Variants in ZAP70 observed in about 807,000 individuals in gnomAD.
The protein encoded by ZAP70 is zeta chain of T cell receptor associated protein kinase 70, also known as tyrosine-protein kinase ZAP-70.
In ZAP70, 27 loss-of-function variants were observed where a neutral mutation model predicts 65.8. The observed-to-expected ratio is 0.41, with a 90% CI of 0.30 to 0.57. ZAP70 has a LOEUF of 0.57. Among genes scored for constraint, ZAP70 ranks in the 20% least tolerant of loss-of-function variants. The pLI, the probability that ZAP70 is intolerant of heterozygous loss-of-function variation, is 0.28. For missense variants in ZAP70, 696 were observed against 870.5 expected (o/e 0.80, Z 2.52); for synonymous variants, 363 against 360.8 (o/e 1.01, Z -0.07).
intron 4 of ZAP70, among the ~76,000 whole-genome samples, chr2:97,727,473 C>T (rs1276276353): frequency 1.3e-5 from 2 of 152,176 alleles, no homozygotes; most frequent in Non-Finnish European, 2.9e-5. Context: ...TGTTGCATCA[C>T]CCCACCCCAG....
At chr2:97,730,350 C>T (rs1027438454) in intron 4 of ZAP70, among the ~76,000 whole-genome samples, 1 of 152,164 alleles carries the variant, frequency 6.6e-6, no homozygotes, top group Admixed American at 6.5e-5. Flanking sequence ...TGAGCTTACT[C>T]ATGTGGCCAC....
At chr2:97,716,034 T>C (rs1676896169) in intron 2 of ZAP70, among the ~76,000 whole-genome samples, 1 of 151,986 alleles carries the variant, frequency 6.6e-6, no homozygotes, top group African/African-American at 2.4e-5. Context: ...CCTGGAAGCC[T>C]AGGGGAGGTG....
chr2:97,739,436 C>T lies in ZAP70; in HGVS notation c.1798C>T (p.Leu600=), dbSNP rs757811792. Residue 600 remains leucine (L), a synonymous_variant, in exon 14 of 14, where the codon CTG becomes TTG. Coordinates refer to ENST00000264972, the MANE Select transcript of ZAP70 (RefSeq NM_001079.4). ...EQRMRACYYS[L]ASKVEGPPGS... ...GCGCATGCGAGCCTGTTACTACAGCCTGGCCAGCAAGGTGGAAGGGCCCCC... is the reference window on the plus strand; with the variant it reads ...GCGCATGCGAGCCTGTTACTACAGCTTGGCCAGCAAGGTGGAAGGGCCCCC... 1.4e-5 allele frequency: 22 copies of T among 1,613,890 alleles called. No homozygotes were observed. The highest frequency in any genetic ancestry group is 1.7e-5 in the Non-Finnish European group (20 of 1,179,960).
chr2:97,753,763 G>A, the ZAP70 span, among the ~76,000 whole-genome samples: 1 of 152,098 alleles, frequency 6.6e-6, no homozygotes, highest in African/African-American at 2.4e-5. Flanking sequence ...CTTGCGCTCA[G>A]GAGTTTGAGA....
Position 97,725,163 on chromosome 2 carries a change from C to G in ZAP70, c.474C>G (p.His158Gln), listed in dbSNP as rs56404668. ...QVEKLIATTA[H>Q]ERMPWYHSSL... ...AGAAGCTCATTGCTACGACGGCCCACGAGCGGATGCCCTGGTACCACAGCA... is the reference window on the plus strand; with the variant it reads ...AGAAGCTCATTGCTACGACGGCCCAGGAGCGGATGCCCTGGTACCACAGCA... Residue 158 changes from histidine (H) to glutamine (Q), a missense_variant, in exon 4 of 14, where the codon CAC (histidine) becomes CAG (glutamine). Physicochemically the swap from His to Gln is conservative, Grantham distance 24. This residue lies in a region of ZAP70 where 551 missense variants were observed against 630.0 expected (regional missense o/e 0.87). Coordinates refer to ENST00000264972, the MANE Select transcript of ZAP70 (RefSeq NM_001079.4). 3.5e-5 allele frequency: 57 copies of G among 1,614,056 alleles called. No individual in the cohort carries two copies. Among genetic ancestry groups the G allele is most frequent in the Non-Finnish European group, 4.5e-5 (53 of 1,180,044 alleles).
intron 13 of ZAP70, 121 bp from the exon 14 acceptor site, chr2:97,739,254 C>A: frequency 6.7e-7 from 1 of 1,483,926 alleles, no homozygotes; most frequent in Non-Finnish European, 9.1e-7. Context: ...ACCCCAACAG[C>A]CCTGCTGACT....
the ZAP70 span, among the ~76,000 whole-genome samples, chr2:97,755,746 C>T: frequency 6.6e-6 from 1 of 152,164 alleles, no homozygotes; most frequent in Non-Finnish European, 1.5e-5. Flanking sequence ...TGTCTTCCCT[C>T]TGTGCCCCGC....
intron 9 of ZAP70, 186 bp downstream of exon 9, chr2:97,734,898 GA>G: frequency 1.3e-6 from 1 of 749,708 alleles, no homozygotes; most frequent in Non-Finnish European, 2.1e-6. Context: ...ACGGGGGTGG[GA>G]TGGGGCCTGG....
chr2:97,734,553 T>C lies in ZAP70; in HGVS notation c.923T>C (p.Met308Thr). 1 of 1,614,096 alleles carries C rather than the reference T, an allele frequency of 6.2e-7. No homozygotes were observed. The highest frequency in any genetic ancestry group is 8.5e-7 in the Non-Finnish European group (1 of 1,180,002). The change falls in exon 9 of 14, where the codon ATG becomes ACG. Residue 308 changes from methionine to threonine, a missense_variant. By Grantham distance (81) the Met-to-Thr change is moderately conservative. Transcript: ENST00000264972. ...ACGTCCCCAGACAAACCGCGGCCGA[T>C]GCCCATGGACACGAGCGTGTATGAG... ...RITSPDKPRP[M>T]PMDTSVYESP... is the part of the protein sequence containing the mutation.
chr2:97,753,790 A>T, the ZAP70 span, among the ~76,000 whole-genome samples: 1 of 152,100 alleles, frequency 6.6e-6, no homozygotes, highest in East Asian at 1.9e-4. Flanking sequence ...GGGGCAACGA[A>T]GCAAGACCTC....
At chr2:97,732,675 C>G in intron 4 of ZAP70, 2 of 676,030 alleles carry the variant, frequency 3.0e-6, no homozygotes, top group South Asian at 3.8e-5. Context: ...GGGAACACAG[C>G]CATGGCCCCT....
Position 97,735,962 on chromosome 2 carries a change from T to G in ZAP70, c.1289+506T>G, listed in dbSNP as rs142572448. On this transcript the variant is annotated intron_variant, in intron 10 of 13. Coordinates refer to ENST00000264972, the MANE Select transcript of ZAP70 (RefSeq NM_001079.4). ...GGCGGAGCTTGCAGTGAGCCGAGAT[T>G]GTGCCACTGCACTCCAGCCTGGGGA... Among the ~76,000 whole-genome samples the G allele has an allele frequency of 6.3e-3, 952 of 152,160 alleles. 7 individuals carry two copies. Among genetic ancestry groups the G allele is most frequent in the Non-Finnish European group, 9.6e-3 (650 of 68,000 alleles).
rs369599264 is a variant in ZAP70 at position 97,733,047 on chromosome 2, G to A, written c.702+26G>A. On this transcript the variant is annotated intron_variant, in intron 5 of 13. Coordinates refer to ENST00000264972, the MANE Select transcript of ZAP70 (RefSeq NM_001079.4). The stretch of plus-strand genomic sequence containing the variant: ...GTAGGCTGCCCGTGCAACTTGTTCT[G>A]GGAGATGCCGTGCTCAGATGGGGTG... 15 of 1,613,928 alleles carry A rather than the reference G, an allele frequency of 9.3e-6. No homozygotes were observed. The African/African-American group carries it at 1.6e-4, about 17-fold the overall frequency.
chr2:97,741,412 TC>T (rs2104714394), downstream of ZAP70, among the ~76,000 whole-genome samples: 1 of 151,978 alleles, frequency 6.6e-6, no homozygotes, highest in East Asian at 1.9e-4. Flanking sequence ...ACCGGTGATG[TC>T]CCCTAGGAAA....
intron 2 of ZAP70, 110 bp from the exon 3 acceptor site, chr2:97,723,906 A>AG (rs1677260092): frequency 2.4e-6 from 3 of 1,266,272 alleles, no homozygotes; most frequent in East Asian, 2.5e-5. Flanking sequence ...TGGCGAGCTC[A>AG]GTCTGCGGCA....
At chr2:97,751,201 G>T in the ZAP70 span, among the ~76,000 whole-genome samples, 1 of 152,222 alleles carries the variant, frequency 6.6e-6, no homozygotes, top group African/African-American at 2.4e-5. Context: ...CTGAAGCACA[G>T]ATCGTATGGG....
the ZAP70 span, among the ~76,000 whole-genome samples, chr2:97,754,115 C>CT: frequency 1.2e-4 from 18 of 152,316 alleles, no homozygotes; most frequent in Admixed American, 9.1e-4. Context: ...TGTAAACAGA[C>CT]TGAGTTGTGT....
At chr2:97,724,476 G>A (rs1450541802) in intron 3 of ZAP70, 38 bp downstream of exon 3, 3 of 1,513,498 alleles carry the variant, frequency 2.0e-6, no homozygotes, top group Middle Eastern at 1.7e-4. Context: ...CTGGAGGGGC[G>A]TGGCCGAAGA....
chr2:97,733,457 T>C (rs1677705496), intron 7 of ZAP70, 87 bp from the exon 8 acceptor site: 1 of 1,607,076 alleles, frequency 6.2e-7, no homozygotes, highest in Non-Finnish European at 8.5e-7. Flanking sequence ...CTCTCTCCAC[T>C]GTCTCTGGGA....
Sources: allele counts gnomAD v4.1 joint callset (sites outside exome capture counted in the v4.1 genomes callset), GRCh38; gene constraint gnomAD v4.1.1; regional missense constraint gnomAD v4.1.1; transcripts MANE v1.5; gene names NCBI Gene and HGNC (gene_info 2026-07-23, HGNC 2026-07-21).